ITGA6: variants seen among roughly 807,000 people sequenced by gnomAD.
ITGA6 encodes integrin subunit alpha 6, also known as integrin alpha-6.
Under a neutral mutation model 133.6 loss-of-function variants are expected in ITGA6, and 63 were observed. The observed-to-expected ratio is 0.47, with a 90% CI of 0.38 to 0.58. The LOEUF (loss-of-function observed/expected upper bound fraction) is 0.58. Ranked by LOEUF, ITGA6 falls within the 20% of genes least tolerant of loss-of-function variation. The probability of loss-of-function intolerance (pLI) is 0.00; values close to 1 mark genes in which losing one functional copy is unlikely to be tolerated. For missense variants in ITGA6, 1,068 were observed against 1,309.4 expected (o/e 0.82, Z 2.85); for synonymous variants, 434 against 482.0 (o/e 0.90, Z 1.30).
Position 172,485,142 on chromosome 2 carries a change from C to T in ITGA6, c.1732C>T (p.Arg578Cys), listed in dbSNP as rs778992933. 5.6e-6 allele frequency: 9 copies of T among 1,613,872 alleles called. No individual in the cohort carries two copies. Among genetic ancestry groups the T allele is most frequent in the South Asian group, 4.4e-5 (4 of 91,084 alleles). ...WLQDNIRDKL[R>C]PIPITASVEI... ...GCAGGATAATATCAGAGATAAACTG[C>T]GTCCCATTCCCATAACTGCCTCAGT... Residue 578 changes from arginine (R) to cysteine (C), a missense_variant, in exon 13 of 26, where the codon CGT (arginine) becomes TGT (cysteine). By Grantham distance (180) the Arg-to-Cys change is radical. Transcript: ENST00000684293.
chr2:172,485,180 G>A lies in ITGA6; in HGVS notation c.1770G>A (p.Glu590=). 6.2e-7 allele frequency: 1 copy of A among 1,613,884 alleles called. No homozygotes were observed. The highest frequency in any genetic ancestry group is 8.5e-7 in the Non-Finnish European group (1 of 1,179,754). ...IPITASVEIQ[E]PSSRRRVNSL... ...TAACTGCCTCAGTGGAGATCCAAGA[G>A]CCAAGCTCTCGTAGGCGAGTGAATT... is the stretch of plus-strand genomic sequence containing the variant. The change falls in exon 13 of 26, where the codon GAG becomes GAA. Residue 590 remains glutamate, a synonymous_variant. Transcript: ENST00000684293.
intron 1 of ITGA6, among the ~76,000 whole-genome samples, chr2:172,439,610 C>T (rs147774666): frequency 1.8e-4 from 27 of 151,862 alleles, no homozygotes; most frequent in African/African-American, 5.1e-4. Context: ...CACAAGTCTT[C>T]GAAGACATTG....
chr2:172,482,904 A>C (rs761111345), intron 11 of ITGA6, among the ~76,000 whole-genome samples: 1 of 152,210 alleles, frequency 6.6e-6, no homozygotes, highest in Non-Finnish European at 1.5e-5. Context: ...GGAACCAGTT[A>C]CTGCCACTTC....
At chr2:172,475,770 A>G (rs1002163503) in intron 8 of ITGA6, 85 bp downstream of exon 8, 1 of 802,312 alleles carries the variant, frequency 1.2e-6, no homozygotes, top group Non-Finnish European at 2.2e-6. Flanking sequence ...GACTTTTCAC[A>G]CAAATCTTAT....
At chr2:172,451,683 GA>G (rs1685011218) in intron 1 of ITGA6, among the ~76,000 whole-genome samples, 1 of 152,192 alleles carries the variant, frequency 6.6e-6, no homozygotes, top group South Asian at 2.1e-4. Flanking sequence ...AGCGCAGCTA[GA>G]GATGAGGAAA....
At chr2:172,459,439 G>A (rs1685340472) in intron 1 of ITGA6, among the ~76,000 whole-genome samples, 1 of 152,186 alleles carries the variant, frequency 6.6e-6, no homozygotes, top group Admixed American at 6.5e-5. Context: ...GGGAGGCAAA[G>A]GTTGCAGTAG....
At chr2:172,436,457 T>A (rs1684324164) in intron 1 of ITGA6, among the ~76,000 whole-genome samples, 2 of 152,174 alleles carry the variant, frequency 1.3e-5, no homozygotes, top group Non-Finnish European at 2.9e-5. Context: ...GTTGTGAGGA[T>A]CCTCATTCAG....
chr2:172,446,535 C>T (rs1684775559), intron 1 of ITGA6, among the ~76,000 whole-genome samples: 1 of 152,202 alleles, frequency 6.6e-6, no homozygotes. Flanking sequence ...GTGCCGAGCA[C>T]TGTGCAAAGG....
At position 172,505,158 on chromosome 2, in the gene ITGA6, A is replaced by ATAAC. The variant is rs1439959888; in HGVS notation, c.*1092_*1095dup. ...CCCAAAAGGTTTAAGAAATAGAATT[A>ATAAC]TAACTGTAAAGATGTTTATTTCAGG... On this transcript the variant is annotated 3_prime_UTR_variant, in exon 26 of 26. Transcript: ENST00000684293. 3 of 152,786 alleles carry ATAAC rather than the reference A, an allele frequency of 2.0e-5. No homozygotes were observed. The East Asian group carries it at 5.8e-4, about 29-fold the overall frequency. The allele number at this position is 152,786 out of a possible 1,614,324, so 9.5% of individuals were successfully genotyped here. A position where few individuals can be genotyped will look rare whatever the true frequency, so the allele number is the denominator to read the frequency against.
chr2:172,485,954 G>T (rs1210689935), intron 13 of ITGA6, among the ~76,000 whole-genome samples: 2 of 152,056 alleles, frequency 1.3e-5, no homozygotes, highest in East Asian at 3.9e-4. Context: ...AGGCGGGCAG[G>T]TCACTTGAGG....
chr2:172,452,140 C>G (rs1685031545), intron 1 of ITGA6, among the ~76,000 whole-genome samples: 1 of 152,090 alleles, frequency 6.6e-6, no homozygotes. Context: ...TTTTCTTTCT[C>G]CGGCTTCCCT....
At chr2:172,469,088 A>G (rs1486727148) in intron 3 of ITGA6, 37 bp from the exon 4 acceptor site, 1 of 1,612,834 alleles carries the variant, frequency 6.2e-7, no homozygotes, top group African/African-American at 1.3e-5. Flanking sequence ...CAAGGTTTAT[A>G]GACAAGAATG....
Position 172,487,789 on chromosome 2 carries a change from T to A in ITGA6, c.2306T>A (p.Ile769Asn). 6.2e-7 allele frequency: 1 copy of A among 1,609,572 alleles called. No individual in the cohort carries two copies. The highest frequency in any genetic ancestry group is 8.5e-7 in the Non-Finnish European group (1 of 1,175,908). Residue 769 changes from isoleucine to asparagine, a missense_variant, in exon 17 of 26, where the codon ATT becomes AAT. This residue lies in a region of ITGA6 where 609 missense variants were observed against 707.2 expected (regional missense o/e 0.86). Coordinates refer to ENST00000684293, the MANE Select transcript of ITGA6 (RefSeq NM_000210.4). The stretch of plus-strand genomic sequence containing the variant: ...ACCTTTGACACCCCAGATCTGGATA[T>A]TAATCTGAAGTTAGAAACGTAAGAG... ...EVTFDTPDLDINLKLETTSNQ... is the reference protein window; with the variant it reads ...EVTFDTPDLDNNLKLETTSNQ...
chr2:172,448,833 T>G (rs973534149), intron 1 of ITGA6, among the ~76,000 whole-genome samples: 1 of 152,160 alleles, frequency 6.6e-6, no homozygotes, highest in African/African-American at 2.4e-5. Context: ...CAAACACCCT[T>G]AAGGTTACAA....
At chr2:172,427,342 C>A (rs1683878596), upstream of ITGA6, 18 of 998,336 alleles carry the variant, frequency 1.8e-5, no homozygotes, top group Non-Finnish European at 2.1e-5. Flanking sequence ...CTCTGTGCTA[C>A]TCGGCAACCA....
intron 3 of ITGA6, among the ~76,000 whole-genome samples, chr2:172,468,450 A>G (rs905218486): frequency 2.0e-5 from 3 of 152,238 alleles, no homozygotes; most frequent in Admixed American, 6.5e-5. Context: ...AATGACATTT[A>G]TGGAAAATTG....
At chr2:172,498,232 T>G in intron 24 of ITGA6, 132 bp downstream of exon 24, 1 of 939,898 alleles carries the variant, frequency 1.1e-6, no homozygotes. Context: ...TCTTTTGACA[T>G]AGCAAATTTG....
In ITGA6 at chr2:172,487,010, C is replaced by T. The variant is rs374831288; in HGVS notation, c.1855-13C>T. 1.5e-4 allele frequency: 223 copies of T among 1,459,454 alleles called. 1 individual carries two copies. Among genetic ancestry groups the T allele is most frequent in the Non-Finnish European group, 2.0e-4 (204 of 1,039,422 alleles). The allele number at this position is 1,459,454 out of a possible 1,614,324, so 90.4% of individuals were successfully genotyped here. The stretch of plus-strand genomic sequence containing the variant: ...AATGGTGTAAATTGACAATAGTTTT[C>T]GTTTTCCTACAGGTTCACTTCTTAA... On this transcript the variant is annotated splice_polypyrimidine_tract_variant and intron_variant, in intron 13 of 25. Transcript: ENST00000684293.
intron 5 of ITGA6, 61 bp downstream of exon 5, chr2:172,471,166 C>A: frequency 6.3e-7 from 1 of 1,593,434 alleles, no homozygotes; most frequent in South Asian, 1.1e-5. Flanking sequence ...TGTGAAACTC[C>A]CTCGCAGGGC....
Sources: gnomAD v4.1 joint callset for allele counts (sites outside exome capture counted in the v4.1 genomes callset) on GRCh38, gnomAD v4.1.1 for gene constraint, gnomAD v4.1.1 regional missense constraint, MANE v1.5 for transcripts, NCBI Gene and HGNC (gene_info 2026-07-23, HGNC 2026-07-21) for gene names.